PCCA: variants seen among roughly 807,000 people sequenced by gnomAD.
PCCA encodes the protein propionyl-CoA carboxylase subunit alpha.
A neutral mutation model predicts 101.3 loss-of-function variants in PCCA; 74 were observed. That is an observed-to-expected ratio of 0.73 (90% confidence interval 0.61 to 0.89). The LOEUF (loss-of-function observed/expected upper bound fraction) is 0.89. Ranked by LOEUF, PCCA falls within the 40% of genes least tolerant of loss-of-function variation. The pLI, the probability that PCCA is intolerant of heterozygous loss-of-function variation, is 0.00. For missense variants in PCCA, 891 were observed against 907.0 expected (o/e 0.98, Z 0.23); for synonymous variants, 294 against 313.6 (o/e 0.94, Z 0.66).
At chr13:100,102,159 T>G (rs769499045) in intron 1 of PCCA, among the ~76,000 whole-genome samples, 10 of 152,028 alleles carry the variant, frequency 6.6e-5, no homozygotes, top group African/African-American at 9.7e-5. Context: ...TTCTCTCTTT[T>G]CAGTGGGGTC....
intron 6 of PCCA, among the ~76,000 whole-genome samples, chr13:100,196,979 A>G (rs1338238086): frequency 2.4e-4 from 36 of 152,002 alleles, no homozygotes; most frequent in Admixed American, 2.4e-3. Flanking sequence ...GCTCCTTCCT[A>G]CCTTTGTTGA....
intron 22 of PCCA, among the ~76,000 whole-genome samples, chr13:100,517,089 G>GTGTGTT (rs1566496439): frequency 7.2e-6 from 1 of 138,068 alleles, no homozygotes; most frequent in African/African-American, 2.7e-5. Context: ...GTGTGTGTGT[G>GTGTGTT]TTTCAAGTAA....
At chr13:100,227,492 T>A (rs1187892824) in intron 7 of PCCA, among the ~76,000 whole-genome samples, 1 of 152,218 alleles carries the variant, frequency 6.6e-6, no homozygotes, top group African/African-American at 2.4e-5. Flanking sequence ...CTGTTACTAT[T>A]CTTGGGTTGG....
rs2062601155 is a variant in PCCA at position 100,262,647 on chromosome 13, A to T, written c.717-82A>T. 9.3e-6 allele frequency: 7 copies of T among 750,556 alleles called. No homozygotes were observed. The South Asian group carries it at 1.0e-4, about 11-fold the overall frequency. 46.5% of individuals were successfully genotyped at this position (750,556 alleles called of 1,614,324 possible). A position where few individuals can be genotyped will look rare whatever the true frequency, so the allele number is the denominator to read the frequency against. On this transcript the variant is annotated intron_variant, in intron 9 of 23. Coordinates refer to ENST00000376285, the MANE Select transcript of PCCA (RefSeq NM_000282.4). ...TAATGATAGCTCTATTTGTTTTGTT[A>T]GTCTGACTCTTCTTCTCCTTCTTCC...
In PCCA at chr13:100,397,501, CAA is replaced by C. The variant is rs1185401613; in HGVS notation, c.1747-28130_1747-28129del. Among the ~76,000 whole-genome samples, 4 of 152,182 alleles carry C rather than the reference CAA, an allele frequency of 2.6e-5. No homozygotes were observed. In the South Asian group the frequency reaches 8.3e-4, roughly 32 times the overall value. ...ATGTTTATAGTTGGGGAAAAAAACC[CAA>C]AGAGCGTTCATAATCTGGATATTAC... On this transcript the variant is annotated intron_variant, in intron 19 of 23. Transcript: ENST00000376285.
At chr13:100,232,652 A>G (rs1210152868) in intron 7 of PCCA, among the ~76,000 whole-genome samples, 1 of 152,084 alleles carries the variant, frequency 6.6e-6, no homozygotes, top group African/African-American at 2.4e-5. Context: ...AAGTGCTGGG[A>G]TTACAGGTGT....
chr13:100,346,854 G>T (rs9585405), intron 18 of PCCA, among the ~76,000 whole-genome samples: 35,029 of 152,020 alleles, frequency 0.23, 4,180 homozygotes, highest in Non-Finnish European at 0.27. Context: ...GCTCAGATGA[G>T]GGTTAGCATT....
chr13:100,441,668 T>TA (rs1200961649), intron 20 of PCCA, among the ~76,000 whole-genome samples: 2 of 152,226 alleles, frequency 1.3e-5, no homozygotes, highest in Non-Finnish European at 2.9e-5. Flanking sequence ...GAGTGCCATT[T>TA]AAAATAGGAA....
At chr13:100,192,517 G>A (rs1434289102) in intron 6 of PCCA, among the ~76,000 whole-genome samples, 1 of 152,182 alleles carries the variant, frequency 6.6e-6, no homozygotes, top group Non-Finnish European at 1.5e-5. Flanking sequence ...CCTTATAGAT[G>A]AGTGCTGGTT....
rs115584639 is a variant in PCCA at position 100,226,760 on chromosome 13, T to G, written c.601-9082T>G. ...GCAGGGAAGGTACCAACATGGTAGTTTGGGGTGGCGGGCTGCCCATTTTCT... is the reference window on the plus strand; with the variant it reads ...GCAGGGAAGGTACCAACATGGTAGTGTGGGGTGGCGGGCTGCCCATTTTCT... On this transcript the variant is annotated intron_variant, in intron 7 of 23. Transcript: ENST00000376285. Among the ~76,000 whole-genome samples the G allele has an allele frequency of 1.8e-3, 274 of 152,270 alleles. 2 individuals carry two copies. Among genetic ancestry groups the G allele is most frequent in the African/African-American group, 6.3e-3 (261 of 41,548 alleles).
At chr13:100,178,590 C>G (rs1440396829) in intron 6 of PCCA, among the ~76,000 whole-genome samples, 4 of 152,030 alleles carry the variant, frequency 2.6e-5, no homozygotes, top group African/African-American at 9.7e-5. Context: ...TTAAGATGCA[C>G]CAAATTTAGA....
At chr13:100,224,396 C>T (rs998184530) in intron 7 of PCCA, among the ~76,000 whole-genome samples, 9 of 152,236 alleles carry the variant, frequency 5.9e-5, no homozygotes, top group Non-Finnish European at 8.8e-5. Flanking sequence ...GGCCCGCAAG[C>T]GCAGCTAGCA....
intron 21 of PCCA, among the ~76,000 whole-genome samples, chr13:100,492,165 C>T (rs531916190): frequency 7.7e-4 from 117 of 151,826 alleles, no homozygotes; most frequent in African/African-American, 2.7e-3. Flanking sequence ...GACGGAGTCT[C>T]GCTTTGTCGT....
chr13:100,358,654 A>G, intron 18 of PCCA, among the ~76,000 whole-genome samples: 1 of 152,208 alleles, frequency 6.6e-6, no homozygotes. Flanking sequence ...GAGATTATGC[A>G]ATCTGAAAAA....
In PCCA at chr13:100,516,940, G is replaced by GT. The variant is rs571974671; in HGVS notation, c.2040+1380dup. Among the ~76,000 whole-genome samples the GT allele has an allele frequency of 3.3e-4, 50 of 151,382 alleles. No individual in the cohort carries two copies. The South Asian group carries it at 8.6e-3, about 26-fold the overall frequency. ...GTAAACAATATAAGGGTTTTGTTTT[G>GT]TTTTTTTCATTTTTCTTAAGTTTTT... On this transcript the variant is annotated intron_variant, in intron 22 of 23. Coordinates refer to ENST00000376285, the MANE Select transcript of PCCA (RefSeq NM_000282.4).
intron 1 of PCCA, among the ~76,000 whole-genome samples, chr13:100,102,040 T>C (rs1468031837): frequency 6.6e-6 from 1 of 152,198 alleles, no homozygotes; most frequent in African/African-American, 2.4e-5. Flanking sequence ...GCTGGTTTTT[T>C]TCCTCCATTT....
intron 19 of PCCA, among the ~76,000 whole-genome samples, chr13:100,425,009 A>AT (rs1371117861): frequency 1.3e-5 from 2 of 151,874 alleles, no homozygotes; most frequent in Non-Finnish European, 2.9e-5. Flanking sequence ...TTTGGAAATT[A>AT]TTTTTTTTCT....
rs138707750 is a variant in PCCA, at chr13:100,338,408, G to C, written c.1541-1749G>C. ...GTGTCCCTTGGATCTGGGAACCTCT[G>C]CAGTATACTCTTGAGAAAATGAGAG... On this transcript the variant is annotated intron_variant, in intron 17 of 23. Transcript: ENST00000376285. Among the ~76,000 whole-genome samples, 37 of 152,178 alleles carry C rather than the reference G, an allele frequency of 2.4e-4. No homozygotes were observed. In the East Asian group the frequency reaches 6.8e-3, roughly 28 times the overall value.
chr13:100,381,949 G>A (rs1291588545), intron 19 of PCCA, among the ~76,000 whole-genome samples: 2 of 152,236 alleles, frequency 1.3e-5, no homozygotes, highest in Non-Finnish European at 2.9e-5. Context: ...GCATCCAGGA[G>A]GGGTGCCTGT....
Sources: gnomAD v4.1 joint callset for allele counts (sites outside exome capture counted in the v4.1 genomes callset) on GRCh38, gnomAD v4.1.1 for gene constraint, MANE v1.5 for transcripts, NCBI Gene and HGNC (gene_info 2026-07-23, HGNC 2026-07-21) for gene names.